The following GPR89A variants were observed in gnomAD, a reference collection of about 807,000 sequenced individuals.
GPR89A encodes golgi pH regulator A.
In GPR89A, 16 loss-of-function variants were observed where a neutral mutation model predicts 52.0. That is an observed-to-expected ratio of 0.31 (90% confidence interval 0.21 to 0.47). GPR89A has a LOEUF of 0.47. Among genes scored for constraint, GPR89A ranks in the 20% least tolerant of loss-of-function variants. The pLI is 1.00. For missense variants in GPR89A, 135 were observed against 449.4 expected, an observed-to-expected ratio of 0.30 and a Z score of 6.33; for synonymous variants, 55 against 150.9, an observed-to-expected ratio of 0.36 and a Z score of 4.66.
chr1:145,634,922 C>A (rs587657975), intron 7 of GPR89A, among the ~76,000 whole-genome samples: 1 of 152,060 alleles, frequency 6.6e-6, no homozygotes, highest in East Asian at 1.9e-4. Context: ...GAATGATGAA[C>A]AAGATAATCA....
intron 7 of GPR89A, among the ~76,000 whole-genome samples, chr1:145,639,325 CAAT>C (rs1650469371): frequency 1.3e-5 from 2 of 151,914 alleles, no homozygotes; most frequent in South Asian, 4.2e-4. Flanking sequence ...ATAGTTAATA[CAAT>C]TTTTAAAAAG....
At chr1:145,611,990 T>C (rs1203716377) in intron 1 of GPR89A, among the ~76,000 whole-genome samples, 3 of 152,076 alleles carry the variant, frequency 2.0e-5, no homozygotes, top group African/African-American at 7.2e-5. Context: ...ACTGCTATAG[T>C]TTGTTTACTA....
intron 10 of GPR89A, among the ~76,000 whole-genome samples, chr1:145,649,650 T>G (rs1453858990): frequency 1.3e-5 from 2 of 152,060 alleles, no homozygotes; most frequent in African/African-American, 4.8e-5. Flanking sequence ...GCTGTCTTTC[T>G]CTTGAGTAGG....
At chr1:145,616,858 G>C (rs1553687131) in intron 2 of GPR89A, among the ~76,000 whole-genome samples, 2 of 151,944 alleles carry the variant, frequency 1.3e-5, no homozygotes, top group African/African-American at 4.8e-5. Flanking sequence ...GTTTTTATTA[G>C]GGATTTCAAA....
chr1:145,636,990 T>C (rs1650287137), intron 7 of GPR89A, among the ~76,000 whole-genome samples: 1 of 152,146 alleles, frequency 6.6e-6, no homozygotes, highest in Non-Finnish European at 1.5e-5. Context: ...AAAATCTCAG[T>C]ATAAACCCTT....
At chr1:145,648,749 G>A (rs182314188) in intron 10 of GPR89A, among the ~76,000 whole-genome samples, 14 of 151,320 alleles carry the variant, frequency 9.3e-5, no homozygotes, top group African/African-American at 2.9e-4. Flanking sequence ...CCAAAGTGCT[G>A]GGACTACAGG....
Position 145,608,086 on chromosome 1 carries a change from G to T in GPR89A, c.-48G>T. ...GGGCCTGTGGCCCCAGCGTGCTGTG[G>T]CCTCGGGGAGTGGGAAGTGGAGGCA... On this transcript the variant is annotated 5_prime_UTR_variant, in exon 1 of 14. Transcript: ENST00000313835. The T allele has an allele frequency of 6.2e-7, 1 of 1,611,774 alleles. No homozygotes were observed. Among genetic ancestry groups the T allele is most frequent in the South Asian group, 1.1e-5 (1 of 90,998 alleles).
chr1:145,665,451 G>C, intron 11 of GPR89A, 111 bp from the exon 12 acceptor site: 3 of 1,426,614 alleles, frequency 2.1e-6, no homozygotes, highest in Non-Finnish European at 3.0e-6. Context: ...AAATCAGGTA[G>C]GGTCTAATAA....
At chr1:145,628,211 G>A (rs1341652437) in intron 5 of GPR89A, among the ~76,000 whole-genome samples, 2 of 151,872 alleles carry the variant, frequency 1.3e-5, no homozygotes, top group African/African-American at 4.8e-5. Flanking sequence ...AGGTGAAGCT[G>A]GGGAAATTGG....
chr1:145,646,604 T>C (rs1285274511), intron 9 of GPR89A: 34 of 349,006 alleles, frequency 9.7e-5, no homozygotes, highest in Non-Finnish European at 1.7e-4. Flanking sequence ...AGTAATATTA[T>C]AAGAGCAGTA....
At chr1:145,624,578 G>A (rs1399293627) in intron 5 of GPR89A, among the ~76,000 whole-genome samples, 1 of 151,198 alleles carries the variant, frequency 6.6e-6, no homozygotes, top group Non-Finnish European at 1.5e-5. Flanking sequence ...TCTTATTGCA[G>A]AAAACAGAAT....
intron 7 of GPR89A, among the ~76,000 whole-genome samples, chr1:145,632,706 A>T (rs1649964638): frequency 6.6e-6 from 1 of 152,222 alleles, no homozygotes; most frequent in African/African-American, 2.4e-5. Context: ...CAGTGAACAT[A>T]GGTGTACAGA....
chr1:145,652,260 G>A (rs1651497198), intron 10 of GPR89A, among the ~76,000 whole-genome samples: 2 of 151,496 alleles, frequency 1.3e-5, no homozygotes, highest in African/African-American at 4.9e-5. Context: ...TAATCATGTG[G>A]TTTTTGTCAT....
At chr1:145,660,485 C>G (rs1168579311) in intron 10 of GPR89A, among the ~76,000 whole-genome samples, 1 of 151,570 alleles carries the variant, frequency 6.6e-6, no homozygotes, top group Non-Finnish European at 1.5e-5. Context: ...AGCTTCTGCA[C>G]AGCAAAAGAA....
chr1:145,625,061 A>G (rs1437412218), intron 5 of GPR89A, among the ~76,000 whole-genome samples: 2 of 151,716 alleles, frequency 1.3e-5, no homozygotes, highest in East Asian at 3.9e-4. Context: ...CTGATTGCCT[A>G]TAGCAGGAAT....
intron 10 of GPR89A, among the ~76,000 whole-genome samples, chr1:145,654,757 G>A (rs587613682): frequency 0.04 from 6,094 of 151,886 alleles, 184 homozygotes; most frequent in Middle Eastern, 0.068. Flanking sequence ...ATCTTCTCAT[G>A]GAGTATTTTA....
intron 7 of GPR89A, among the ~76,000 whole-genome samples, chr1:145,637,466 A>T (rs1403238432): frequency 6.6e-6 from 1 of 152,072 alleles, no homozygotes; most frequent in Non-Finnish European, 1.5e-5. Flanking sequence ...GACAGATTTC[A>T]CAGTTTAAGT....
intron 1 of GPR89A, among the ~76,000 whole-genome samples, chr1:145,613,220 C>T (rs1648425211): frequency 6.6e-6 from 1 of 151,194 alleles, no homozygotes; most frequent in Non-Finnish European, 1.5e-5. Flanking sequence ...CCTCTTCTTT[C>T]TCCAGTATTC....
intron 2 of GPR89A, among the ~76,000 whole-genome samples, chr1:145,616,666 G>C (rs1285565112): frequency 1.3e-5 from 2 of 152,032 alleles, no homozygotes; most frequent in Non-Finnish European, 2.9e-5. Flanking sequence ...AAATCCCAAG[G>C]CTATCAGGGG....
Sources: gnomAD v4.1 joint callset for allele counts (sites outside exome capture counted in the v4.1 genomes callset) on GRCh38, gnomAD v4.1.1 for gene constraint, MANE v1.5 for transcripts, NCBI Gene and HGNC (gene_info 2026-07-23, HGNC 2026-07-21) for gene names.